The following LEKR1 variants were observed in gnomAD, a reference collection of about 807,000 sequenced individuals.
The protein encoded by LEKR1 is protein LEKR1.
A neutral mutation model predicts 72.4 loss-of-function variants in LEKR1; 59 were observed. The ratio of observed to expected loss-of-function variants is 0.82; its 90% CI spans 0.66 to 1.01. The LOEUF (loss-of-function observed/expected upper bound fraction) is 1.01. Among genes scored for constraint, LEKR1 ranks in the 50% least tolerant of loss-of-function variants. LEKR1 has a pLI of 0.00. For missense variants in LEKR1, 728 were observed against 759.2 expected, an observed-to-expected ratio of 0.96 and a Z score of 0.48; for synonymous variants, 257 against 263.2, an observed-to-expected ratio of 0.98 and a Z score of 0.23.
intron 10 of LEKR1, among the ~76,000 whole-genome samples, chr3:157,019,355 A>G (rs1733627567): frequency 6.6e-6 from 1 of 152,192 alleles, no homozygotes; most frequent in Non-Finnish European, 1.5e-5. Context: ...CAGATTTTAT[A>G]AAGTACTAAT....
chr3:156,864,314 C>CA (rs992235720), intron 3 of LEKR1, among the ~76,000 whole-genome samples: 1 of 152,050 alleles, frequency 6.6e-6, no homozygotes, highest in African/African-American at 2.4e-5. Context: ...GCTGGAAAAA[C>CA]TCCTAATGTG....
chr3:156,965,042 T>G (rs1301143585), intron 6 of LEKR1, among the ~76,000 whole-genome samples: 2 of 152,134 alleles, frequency 1.3e-5, no homozygotes, highest in African/African-American at 4.8e-5. Flanking sequence ...TCATTATAAC[T>G]TATAAATACA....
At chr3:156,840,840 C>T (rs1002241112) in intron 2 of LEKR1, among the ~76,000 whole-genome samples, 1 of 152,218 alleles carries the variant, frequency 6.6e-6, no homozygotes, top group African/African-American at 2.4e-5. Context: ...TTCAGCTATA[C>T]TTGTACTCAC....
At chr3:156,953,908 C>A (rs773470087) in intron 6 of LEKR1, among the ~76,000 whole-genome samples, 1 of 151,586 alleles carries the variant, frequency 6.6e-6, no homozygotes, top group African/African-American at 2.4e-5. Flanking sequence ...TGGGTCAAAT[C>A]GTATTTTGGC....
intron 9 of LEKR1, among the ~76,000 whole-genome samples, chr3:157,007,095 G>A (rs552344069): frequency 1.6e-4 from 24 of 152,220 alleles, no homozygotes; most frequent in Middle Eastern, 6.8e-3. Flanking sequence ...CCAGCTACTC[G>A]GGAGGCTGAG....
At chr3:156,868,320 G>C (rs1223524456) in intron 3 of LEKR1, among the ~76,000 whole-genome samples, 4 of 152,006 alleles carry the variant, frequency 2.6e-5, no homozygotes, top group Non-Finnish European at 2.9e-5. Flanking sequence ...TTCCTAGAAT[G>C]TATATTCCAT....
At chr3:156,886,614 A>G (rs1720120430) in intron 3 of LEKR1, among the ~76,000 whole-genome samples, 2 of 152,178 alleles carry the variant, frequency 1.3e-5, no homozygotes, top group South Asian at 4.1e-4. Context: ...CTGGGAGTAC[A>G]TGCAAGACAC....
intron 3 of LEKR1, among the ~76,000 whole-genome samples, chr3:156,871,915 C>T (rs555046675): frequency 6.6e-6 from 1 of 151,908 alleles, no homozygotes; most frequent in Non-Finnish European, 1.5e-5. Context: ...GTGTCCTTGT[C>T]TGGCTGTTTT....
intron 3 of LEKR1, among the ~76,000 whole-genome samples, chr3:156,920,251 GAAATT>G (rs1468348768): frequency 2.0e-5 from 3 of 152,108 alleles, no homozygotes; most frequent in Non-Finnish European, 4.4e-5. Context: ...TACTTTAAAT[GAAATT>G]AAATTAATAT....
chr3:156,837,191 G>A (rs1713260406), intron 2 of LEKR1, among the ~76,000 whole-genome samples: 1 of 152,198 alleles, frequency 6.6e-6, no homozygotes, highest in Non-Finnish European at 1.5e-5. Flanking sequence ...TTAGAGAGGG[G>A]ATAGAGGAGA....
intron 3 of LEKR1, among the ~76,000 whole-genome samples, chr3:156,870,453 G>T (rs899006053): frequency 6.6e-6 from 1 of 151,914 alleles, no homozygotes; most frequent in Non-Finnish European, 1.5e-5. Context: ...TGGAGCTATT[G>T]TAAACAGAAT....
At chr3:156,946,639 C>A (rs1382812724) in intron 6 of LEKR1, among the ~76,000 whole-genome samples, 1 of 151,224 alleles carries the variant, frequency 6.6e-6, no homozygotes, top group Non-Finnish European at 1.5e-5. Flanking sequence ...TTTCAGGGTT[C>A]TTATCACGAT....
chr3:156,995,020 A>C (rs1418161746), intron 9 of LEKR1, among the ~76,000 whole-genome samples: 2 of 152,250 alleles, frequency 1.3e-5, no homozygotes, highest in Non-Finnish European at 2.9e-5. Flanking sequence ...TTAGGAATAC[A>C]CTGAATATTT....
chr3:157,022,642 C>T (rs934323859), intron 10 of LEKR1, among the ~76,000 whole-genome samples: 2 of 152,098 alleles, frequency 1.3e-5, no homozygotes. Flanking sequence ...AGTGTTGTTA[C>T]AAGATTTCTG....
rs1223385739 is a variant in LEKR1, at chr3:156,993,242, G to A, written c.1074G>A (p.Gln358=). The A allele has an allele frequency of 2.5e-6, 4 of 1,609,074 alleles. No homozygotes were observed. The highest frequency in any genetic ancestry group is 3.4e-6 in the Non-Finnish European group (4 of 1,178,254). Residue 358 remains glutamine, a synonymous_variant, in exon 9 of 13, where the codon CAG becomes CAA. Transcript: ENST00000356539. ...ELEITKTLLN[Q]TREEVLTLKN... Reference sequence around the variant, plus strand: ...AGATAACCAAAACTCTTCTGAATCAGACAAGGGAAGAGGTTTTAACACTGA... The same window carrying A: ...AGATAACCAAAACTCTTCTGAATCAAACAAGGGAAGAGGTTTTAACACTGA...
intron 3 of LEKR1, among the ~76,000 whole-genome samples, chr3:156,917,945 A>G (rs1469057251): frequency 6.6e-6 from 1 of 152,108 alleles, no homozygotes; most frequent in Admixed American, 6.6e-5. Flanking sequence ...TGGTAAAGAA[A>G]TGATTTGGAA....
chr3:156,950,758 C>A (rs1727084039), intron 6 of LEKR1, among the ~76,000 whole-genome samples: 1 of 151,476 alleles, frequency 6.6e-6, no homozygotes, highest in African/African-American at 2.4e-5. Context: ...ACTCAAGGAA[C>A]TTTTGTGTCA....
intron 10 of LEKR1, chr3:157,017,205 T>C (rs1202900775): frequency 1.3e-5 from 2 of 152,218 alleles, no homozygotes; most frequent in African/African-American, 4.8e-5. Flanking sequence ...TACAAATGAA[T>C]GGGCATGGCT....
In LEKR1 at chr3:156,835,795, CCCTT is replaced by C. The variant is rs202017972; in HGVS notation, c.48+6438_48+6441del. ...CTCTCTCATAAAGCGATTCCTTCCT[CCCTT>C]CCTTCCTTCCTTCCTTCCTCGCTCC... On this transcript the variant is annotated intron_variant, in intron 2 of 12. Coordinates refer to ENST00000356539, the MANE Select transcript of LEKR1 (RefSeq NM_001004316.3). Among the ~76,000 whole-genome samples the C allele has an allele frequency of 7.6e-3, 1,150 of 150,666 alleles. 10 individuals carry two copies. Among genetic ancestry groups the C allele is most frequent in the African/African-American group, 0.023 (927 of 40,948 alleles).
Sources: allele counts gnomAD v4.1 joint callset (sites outside exome capture counted in the v4.1 genomes callset), GRCh38; gene constraint gnomAD v4.1.1; transcripts MANE v1.5; gene names NCBI Gene and HGNC (gene_info 2026-07-23, HGNC 2026-07-21).